Variants in APOL3 observed in about 807,000 individuals in gnomAD.
APOL3 encodes the protein TNF-inducible protein CG12-1.
A neutral mutation model predicts 11.6 loss-of-function variants in APOL3; 14 were observed. The ratio of observed to expected loss-of-function variants is 1.21; its 90% CI spans 0.80 to 1.89. The LOEUF (loss-of-function observed/expected upper bound fraction) is 1.89, where lower values mean the gene tolerates loss of function less well. Among genes scored for constraint, APOL3 ranks in the 40% most tolerant of loss-of-function variants. The pLI, the probability that APOL3 is intolerant of heterozygous loss-of-function variation, is 0.00. For missense variants in APOL3, 483 were observed against 492.1 expected, an observed-to-expected ratio of 0.98 and a Z score of 0.17; for synonymous variants, 192 against 190.6, an observed-to-expected ratio of 1.01 and a Z score of -0.06.
upstream of APOL3, among the ~76,000 whole-genome samples, chr22:36,163,331 G>A (rs1016596862): frequency 5.3e-5 from 8 of 152,164 alleles, no homozygotes; most frequent in African/African-American, 1.9e-4. Context: ...TTACAGCCGG[G>A]AACGAAGGGT....
At position 36,140,988 on chromosome 22, in the gene APOL3, A is replaced by C. The variant is rs561194624; in HGVS notation, c.*212T>G. ...ACTCTCCAGTCCCCTCTCCTCCCTT[A>C]TTCCAGGCTCCAGCATTCCTGCCTT... On this transcript the variant is annotated 3_prime_UTR_variant, in exon 3 of 3. Coordinates refer to ENST00000349314, the Ensembl canonical transcript of APOL3. 3 of 646,312 alleles carry C rather than the reference A, an allele frequency of 4.6e-6. No individual in the cohort carries two copies. The East Asian group carries it at 8.2e-5, about 18-fold the overall frequency. The allele number at this position is 646,312 out of a possible 1,614,324, so 40.0% of individuals were successfully genotyped here.
At chr22:36,165,090 C>T (rs1277103019), upstream of APOL3, 4 of 152,038 alleles carry the variant, frequency 2.6e-5, no homozygotes, top group Non-Finnish European at 4.4e-5. Context: ...TCACTCTTAT[C>T]GATAGCATTC....
At chr22:36,153,161 T>C (rs2012084515) in intron 1 of APOL3, 1 of 168,064 alleles carries the variant, frequency 6.0e-6, no homozygotes, top group Non-Finnish European at 1.3e-5. Context: ...TGCTTTTAAT[T>C]GGGAAGGGAG....
chr22:36,164,401 C>A (rs2013807422), upstream of APOL3, among the ~76,000 whole-genome samples: 2 of 152,208 alleles, frequency 1.3e-5, no homozygotes, highest in African/African-American at 4.8e-5. Context: ...CCTGTTACAA[C>A]CTCCGAGGAC....
chr22:36,159,673 C>T (rs555180195), intron 1 of APOL3: 2 of 152,300 alleles, frequency 1.3e-5, no homozygotes, highest in East Asian at 1.9e-4. Context: ...TCTCTATCAC[C>T]CAGAGGCCTG....
intron 1 of APOL3, among the ~76,000 whole-genome samples, chr22:36,151,169 G>A (rs1031216797): frequency 6.6e-5 from 10 of 152,174 alleles, no homozygotes; most frequent in African/African-American, 2.2e-4. Flanking sequence ...TGCATCTAAA[G>A]GCCCCAGAAA....
chr22:36,141,819 G>A lies in APOL3; in HGVS notation c.590C>T (p.Ala197Val), dbSNP rs754145113. 3 of 1,614,118 alleles carry A rather than the reference G, an allele frequency of 1.9e-6. No homozygotes were observed. In the African/African-American group the frequency reaches 4.0e-5, roughly 22 times the overall value. Reference sequence around the variant, plus strand: ...ACCAGCAAGGGACATGATGCCAGAGGCAGCGCCAGTGGAGCTGGACACCAC... The same window carrying A: ...ACCAGCAAGGGACATGATGCCAGAGACAGCGCCAGTGGAGCTGGACACCAC... The change falls in exon 3 of 3, where the codon GCC (alanine) becomes GTC (valine). Residue 197 changes from alanine (A) to valine (V), a missense_variant. Ala to Val is a moderately conservative substitution (Grantham distance 64). Transcript: ENST00000349314.
At chr22:36,149,322 C>G (rs1161015363) in intron 1 of APOL3, 180 bp from the exon 2 acceptor site, 2 of 1,306,106 alleles carry the variant, frequency 1.5e-6, no homozygotes, top group Non-Finnish European at 2.0e-6. Context: ...ATTCTACTTG[C>G]TCCAGCTCCC....
exon 1 of APOL3, chr22:36,160,924 C>T: frequency 1.3e-6 from 2 of 1,595,580 alleles, no homozygotes; most frequent in Non-Finnish European, 8.6e-7. Context: ...GTCCCACCCT[C>T]CTGCTGATCC....
chr22:36,146,230 A>T (rs1190741687), intron 1 of APOL3: 1 of 152,080 alleles, frequency 6.6e-6, no homozygotes, highest in Non-Finnish European at 1.5e-5. Context: ...TCCTGAGAAG[A>T]GTGATTCACC....
chr22:36,141,173 T>A (rs548381326), exon 3 of APOL3: 1 of 1,598,298 alleles, frequency 6.3e-7, no homozygotes, highest in South Asian at 1.1e-5. Flanking sequence ...ATGGCTCACC[T>A]CCCCTGCTGG....
intron 1 of APOL3, among the ~76,000 whole-genome samples, chr22:36,158,039 G>T (rs1382874112): frequency 6.6e-6 from 1 of 151,916 alleles, no homozygotes. Flanking sequence ...AACAAAGCCA[G>T]ACTCCATCTC....
At chr22:36,164,374 A>G (rs1167141049), upstream of APOL3, among the ~76,000 whole-genome samples, 2 of 152,148 alleles carry the variant, frequency 1.3e-5, no homozygotes, top group Non-Finnish European at 2.9e-5. Context: ...TACTCCTTAA[A>G]AGTCTATACC....
chr22:36,141,271 G>A lies in APOL3; in HGVS notation c.1138C>T (p.Gln380Ter). The A allele has an allele frequency of 2.5e-6, 4 of 1,614,122 alleles. No individual in the cohort carries two copies. Among genetic ancestry groups the A allele is most frequent in the Non-Finnish European group, 2.5e-6 (3 of 1,180,026 alleles). Reference sequence around the variant, plus strand: ...TCCATTAGATTCTCCTCCAGCTCCTGAGCCTGCCGCCTCAGCTCCTCAGCA... The same window carrying A: ...TCCATTAGATTCTCCTCCAGCTCCTAAGCCTGCCGCCTCAGCTCCTCAGCA... Residue 380 changes from glutamine (Q) to a stop codon, truncating the protein, a stop_gained, in exon 3 of 3, where the codon CAG becomes TAG. Transcript: ENST00000349314. LOFTEE classifies it low-confidence loss of function (END_TRUNC).
At chr22:36,150,156 T>G (rs1218239286) in intron 1 of APOL3, among the ~76,000 whole-genome samples, 1 of 152,168 alleles carries the variant, frequency 6.6e-6, no homozygotes, top group African/African-American at 2.4e-5. Context: ...CTTCACATTC[T>G]GCTTGTGATG....
intron 1 of APOL3, among the ~76,000 whole-genome samples, chr22:36,153,580 T>C (rs1326672195): frequency 2.0e-5 from 3 of 152,200 alleles, no homozygotes; most frequent in Non-Finnish European, 4.4e-5. Context: ...CCAAGACGTC[T>C]TGTGGGGAAC....
chr22:36,158,567 C>T (rs1569529894), intron 1 of APOL3, among the ~76,000 whole-genome samples: 1 of 152,198 alleles, frequency 6.6e-6, no homozygotes, highest in Non-Finnish European at 1.5e-5. Context: ...TGCCTGTAAT[C>T]CCAGCACTTT....
At chr22:36,163,487 T>C (rs2013784462), upstream of APOL3, among the ~76,000 whole-genome samples, 1 of 152,240 alleles carries the variant, frequency 6.6e-6, no homozygotes, top group South Asian at 2.1e-4. Flanking sequence ...GCAATTTTTT[T>C]TCCTTTTTCT....
chr22:36,158,463 G>A (rs1042735886), intron 1 of APOL3, among the ~76,000 whole-genome samples: 27 of 152,300 alleles, frequency 1.8e-4, no homozygotes, highest in Non-Finnish European at 3.2e-4. Context: ...TCACCAAAAA[G>A]GGAGAAATCA....
Sources: allele counts gnomAD v4.1 joint callset (sites outside exome capture counted in the v4.1 genomes callset), GRCh38; gene constraint gnomAD v4.1.1; transcripts MANE v1.5; gene names NCBI Gene and HGNC (gene_info 2026-07-23, HGNC 2026-07-21).